The following MTERF4 variants were observed in gnomAD, a reference collection of about 807,000 sequenced individuals.
MTERF4 encodes the protein mitochondrial transcription termination factor 4.
A neutral mutation model predicts 22.5 loss-of-function variants in MTERF4; 17 were observed. The observed-to-expected ratio is 0.75, with a 90% confidence interval of 0.52 to 1.13. The LOEUF (loss-of-function observed/expected upper bound fraction) is 1.13, where lower values mean the gene tolerates loss of function less well. MTERF4 is among the 50% of genes most tolerant of loss of function. MTERF4 has a pLI of 0.00. For synonymous variants in MTERF4, 165 were observed against 175.3 expected (o/e 0.94, Z 0.47); for missense variants, 420 against 466.8 (o/e 0.90, Z 0.92).
chr2:241,087,209 A>G, downstream of MTERF4: 2 of 585,226 alleles, frequency 3.4e-6, no homozygotes, highest in South Asian at 4.9e-5. Flanking sequence ...AATTTATTAC[A>G]AATCACATGA....
At chr2:241,057,768 AT>A in the MTERF4 span, among the ~76,000 whole-genome samples, 13 of 152,208 alleles carry the variant, frequency 8.5e-5, no homozygotes, top group Admixed American at 1.3e-4. Flanking sequence ...CCATAAAAAA[AT>A]ATATTCTCAT....
the MTERF4 span, chr2:241,053,458 C>A: frequency 1.1e-6 from 1 of 876,526 alleles, no homozygotes; most frequent in African/African-American, 1.7e-5. Context: ...CCCTGCTCCC[C>A]TCAGTCTCCT....
At position 241,095,849 on chromosome 2, in the gene MTERF4, C is replaced by G; in HGVS notation, c.*149G>C. On this transcript the variant is annotated 3_prime_UTR_variant, in exon 4 of 4. Transcript: ENST00000391980. The stretch of plus-strand genomic sequence containing the variant: ...TGTTTGGTTTGATCTGTCTGCCTCT[C>G]AGGTGACTTATAATTTTTTTCATCA... The G allele has an allele frequency of 7.1e-7, 1 of 1,417,290 alleles. No homozygotes were observed. The allele number at this position is 1,417,290 out of a possible 1,614,324, so 87.8% of individuals were successfully genotyped here.
At chr2:241,087,157 A>G (rs2063624029), downstream of MTERF4, 2 of 494,342 alleles carry the variant, frequency 4.0e-6, no homozygotes, top group Non-Finnish European at 3.6e-6. Context: ...CAGAATGCAC[A>G]TTAAAATGGG....
the MTERF4 span, chr2:241,049,142 A>C: frequency 6.2e-7 from 1 of 1,606,308 alleles, no homozygotes; most frequent in African/African-American, 1.3e-5. Context: ...CACTGTGAGT[A>C]GCTCGGGGAC....
rs1559336389 is a variant in MTERF4 at position 241,096,055 on chromosome 2, C to CTCATCATCGTCA, written c.1077_1088dup (p.Asp359_Asp362dup). On this transcript the variant is annotated inframe_insertion, in exon 4 of 4. Transcript: ENST00000391980. This position sits in a 1 kb window ranked among gnomAD's most constrained non-coding sequence, Gnocchi z 5.1. ...CATTGTCCTCCGCCTCGTCGTCGTC[C>CTCATCATCGTCA]TCATCATCGTCATCCTCATCATTGT... The CTCATCATCGTCA allele has an allele frequency of 2.5e-6, 4 of 1,613,128 alleles. No individual in the cohort carries two copies. The highest frequency in any genetic ancestry group is 1.7e-6 in the Non-Finnish European group (2 of 1,179,622).
rs775766191 is a variant in MTERF4 at position 241,096,258 on chromosome 2, C to T, written c.886G>A (p.Val296Ile). ...CTGGCCAAAAACTCAGCTTCTGAAA[C>T]TCTGAGAATGTCCTTGAGCAATGGG... Reference protein sequence around the residue: ...PNPLLKDILRVSEAEFLARTA... With the variant: ...PNPLLKDILRISEAEFLARTA... The change falls in exon 4 of 4, where the codon GTT (valine) becomes ATT (isoleucine). Residue 296 changes from valine (V) to isoleucine (I), a missense_variant. Coordinates refer to ENST00000391980, the MANE Select transcript of MTERF4 (RefSeq NM_182501.4). The surrounding 1 kb of genome is among the most constrained non-coding windows in gnomAD (Gnocchi z 5.1). 21 of 1,614,116 alleles carry T rather than the reference C, an allele frequency of 1.3e-5. No homozygotes were observed. The Admixed American group carries it at 2.7e-4, about 20-fold the overall frequency.
downstream of MTERF4, chr2:241,089,379 G>A (rs1177498737): frequency 1.3e-6 from 2 of 1,550,512 alleles, no homozygotes; most frequent in African/African-American, 1.4e-5. Context: ...AAAAAATAAA[G>A]GAGAAATGTC....
the MTERF4 span, chr2:241,049,678 C>G: frequency 1.6e-6 from 1 of 643,442 alleles, no homozygotes; most frequent in African/African-American, 1.8e-5. Context: ...ATCAAGATGC[C>G]CACAGAGTGT....
chr2:241,095,882 A>C lies in MTERF4; in HGVS notation c.*116T>G. The C allele has an allele frequency of 6.6e-7, 1 of 1,503,940 alleles. No homozygotes were observed. The highest frequency in any genetic ancestry group is 1.4e-5 in the South Asian group (1 of 72,704). The allele number at this position is 1,503,940 out of a possible 1,614,324, so 93.2% of individuals were successfully genotyped here. A position where few individuals can be genotyped will look rare whatever the true frequency, so the allele number is the denominator to read the frequency against. On this transcript the variant is annotated 3_prime_UTR_variant, in exon 4 of 4. Transcript: ENST00000391980. ...TTATAATTTTTTTCATCAAGAGACC[A>C]GTTTTAGAATAAAAAATAACTTGAG...
downstream of MTERF4, chr2:241,087,542 G>GC (rs56985225): frequency 0.11 from 166,749 of 1,532,600 alleles, 11,894 homozygotes; most frequent in African/African-American, 0.35. Flanking sequence ...GGCAAGGGCG[G>GC]GGTGCTATGG....
At chr2:241,071,891 G>T, downstream of MTERF4, 1 of 1,588,770 alleles carries the variant, frequency 6.3e-7, no homozygotes. Flanking sequence ...GAGTGCCAGG[G>T]CCTCCCCACC....
chr2:241,054,656 G>A, the MTERF4 span, among the ~76,000 whole-genome samples: 14 of 152,208 alleles, frequency 9.2e-5, no homozygotes, highest in African/African-American at 7.2e-5. Context: ...AAACAGGATC[G>A]ATAAATTATT....
At chr2:241,071,872 A>G (rs1329154028), downstream of MTERF4, 1 of 1,601,168 alleles carries the variant, frequency 6.2e-7, no homozygotes, top group South Asian at 1.1e-5. Context: ...AGCCACCGTG[A>G]GATCACGTGA....
chr2:241,052,505 A>G, the MTERF4 span: 1 of 1,482,576 alleles, frequency 6.7e-7, no homozygotes, highest in South Asian at 1.1e-5. Flanking sequence ...GGTACATGGG[A>G]TACCAGTGCC....
At chr2:241,069,030 A>G (rs1163433556), downstream of MTERF4, 1 of 1,541,796 alleles carries the variant, frequency 6.5e-7, no homozygotes, top group East Asian at 2.4e-5. This position sits in a 1 kb window ranked among gnomAD's most constrained non-coding sequence, Gnocchi z 4.9. Flanking sequence ...ACCCGTGAGT[A>G]GAGCAGCGCG....
downstream of MTERF4, chr2:241,082,176 C>A: frequency 2.2e-6 from 2 of 908,566 alleles, no homozygotes; most frequent in Non-Finnish European, 1.7e-6. Context: ...AGGAAGCCAG[C>A]CTAAGGACCC....
At chr2:241,091,180 CA>C (rs1024081131), downstream of MTERF4, among the ~76,000 whole-genome samples, 11 of 152,116 alleles carry the variant, frequency 7.2e-5, no homozygotes, top group Admixed American at 3.3e-4. This position sits in a 1 kb window ranked among gnomAD's most constrained non-coding sequence, Gnocchi z 4.1. Flanking sequence ...AGACAACACA[CA>C]AAAAAGCAGG....
Position 241,073,282 on chromosome 2 carries a change from G to A in MTERF4, n.2880C>T, listed in dbSNP as rs371051681. On this transcript the variant is annotated non_coding_transcript_exon_variant, in exon 5 of 5. Coordinates refer to the MTERF4 transcript ENST00000464344. The surrounding 1 kb of genome is among the most constrained non-coding windows in gnomAD (Gnocchi z 6.6). ...TTCTCCTAGAACCCACAGCCTCGGCGCAGCTCGAGAACATGGAGGAAGCCC... is the reference window on the plus strand; with the variant it reads ...TTCTCCTAGAACCCACAGCCTCGGCACAGCTCGAGAACATGGAGGAAGCCC... The A allele has an allele frequency of 4.0e-5, 63 of 1,560,694 alleles. 1 individual carries two copies. In the African/African-American group the frequency reaches 6.0e-4, roughly 15 times the overall value.
Sources: gnomAD v4.1 joint callset for allele counts (sites outside exome capture counted in the v4.1 genomes callset) on GRCh38, gnomAD v4.1.1 for gene constraint, Gnocchi (gnomAD v3.1) non-coding constraint, MANE v1.5 for transcripts, NCBI Gene and HGNC (gene_info 2026-07-23, HGNC 2026-07-21) for gene names.